LMX1B: variants seen among roughly 807,000 people sequenced by gnomAD.
LMX1B encodes LIM homeobox transcription factor 1-beta.
Under a neutral mutation model 51.4 loss-of-function variants are expected in LMX1B, and 12 were observed. That is an observed-to-expected ratio of 0.23 (90% CI 0.15 to 0.38). The LOEUF is 0.38. Ranked by LOEUF, LMX1B falls within the 10% of genes least tolerant of loss-of-function variation. The pLI is 1.00. For missense variants in LMX1B, 445 were observed against 571.1 expected (o/e 0.78, Z 2.25); for synonymous variants, 237 against 235.4 (o/e 1.01, Z -0.06).
intron 2 of LMX1B, among the ~76,000 whole-genome samples, chr9:126,672,782 A>G (rs1836482760): frequency 6.6e-6 from 1 of 152,126 alleles, no homozygotes; most frequent in Admixed American, 6.5e-5. Context: ...ACAGCCCAGG[A>G]CAGAATCCTG....
At chr9:126,623,637 C>G (rs1466080516) in intron 2 of LMX1B, among the ~76,000 whole-genome samples, 1 of 152,188 alleles carries the variant, frequency 6.6e-6, no homozygotes, top group Non-Finnish European at 1.5e-5. Flanking sequence ...CCTCCTATAC[C>G]GACCTTCCGG....
At chr9:126,655,892 A>G (rs929171756) in intron 2 of LMX1B, among the ~76,000 whole-genome samples, 1 of 152,218 alleles carries the variant, frequency 6.6e-6, no homozygotes, top group Admixed American at 6.5e-5. Context: ...TTCGTTTATG[A>G]TGCACACCTG....
chr9:126,693,248 C>A lies in LMX1B; in HGVS notation c.666C>A (p.Pro222=), dbSNP rs143407067. Residue 222 remains proline (P), a synonymous_variant, in exon 4 of 8, where the codon CCC becomes CCA. Transcript: ENST00000373474. ...AGGACCCGCGGAGGCCCAAGCGACCCCGGACCATCCTCACCACGCAGCAGC... is the reference window on the plus strand; with the variant it reads ...AGGACCCGCGGAGGCCCAAGCGACCACGGACCATCCTCACCACGCAGCAGC... The part of the protein sequence containing the change: ...DGKDPRRPKR[P]RTILTTQQRR... 1.2e-6 allele frequency: 2 copies of A among 1,611,634 alleles called. No homozygotes were observed. The highest frequency in any genetic ancestry group is 8.5e-7 in the Non-Finnish European group (1 of 1,179,240).
rs962114147 is a variant in LMX1B, at chr9:126,615,876, G to A, written c.326+307G>A. ...GGATATAGGGTCTGGCGCTACGGAG[G>A]CCTGAATTGGGAACCCAAAATTGAT... On this transcript the variant is annotated intron_variant, in intron 2 of 7. Coordinates refer to ENST00000373474, the MANE Select transcript of LMX1B (RefSeq NM_001174147.2). The surrounding 1 kb of genome is among the most constrained non-coding windows in gnomAD (Gnocchi z 6.0). 6.6e-6 allele frequency among the ~76,000 whole-genome samples: 1 copy of A among 152,322 alleles called. No homozygotes were observed. The highest frequency in any genetic ancestry group is 1.9e-4 in the East Asian group (1 of 5,170).
At chr9:126,696,081 A>C in intron 7 of LMX1B, 78 bp downstream of exon 7, 1 of 1,284,912 alleles carries the variant, frequency 7.8e-7, no homozygotes, top group Non-Finnish European at 1.0e-6. Flanking sequence ...TGGGGCCAGG[A>C]CAGCCACCTG....
intron 2 of LMX1B, among the ~76,000 whole-genome samples, chr9:126,627,905 ACT>A (rs1315315907): frequency 2.6e-5 from 4 of 151,834 alleles, no homozygotes; most frequent in African/African-American, 9.7e-5. Flanking sequence ...CCTCTCCCAG[ACT>A]CTGGCTTTAA....
intron 3 of LMX1B, 70 bp from the exon 4 acceptor site, chr9:126,693,072 C>T (rs936909496): frequency 1.1e-5 from 16 of 1,488,142 alleles, no homozygotes; most frequent in African/African-American, 4.2e-5. Context: ...AGCAGGTTGC[C>T]GAAGGGGACA....
chr9:126,665,319 C>T (rs1012412718), intron 2 of LMX1B, among the ~76,000 whole-genome samples: 6 of 152,144 alleles, frequency 3.9e-5, no homozygotes, highest in Admixed American at 1.3e-4. Flanking sequence ...GCTGGGGCGG[C>T]GGGGGCGGGG....
chr9:126,659,272 C>A (rs1836180991), intron 2 of LMX1B, among the ~76,000 whole-genome samples: 1 of 152,214 alleles, frequency 6.6e-6, no homozygotes. Context: ...TGAGGAGGGT[C>A]CCAGGCCTGG....
rs572751023 is a variant in LMX1B, at chr9:126,690,830, C to T, written c.327-6C>T. The T allele has an allele frequency of 1.7e-5, 27 of 1,603,874 alleles. No homozygotes were observed. The South Asian group carries it at 2.8e-4, about 17-fold the overall frequency. The stretch of plus-strand genomic sequence containing the variant: ...CCGCCAACACGCCCGCTTTGTGCAT[C>T]CGCAGGCTCTTCGCGGCCAAGTGCA... On this transcript the variant is annotated splice_region_variant and splice_polypyrimidine_tract_variant and intron_variant, in intron 2 of 7. Coordinates refer to ENST00000373474, the MANE Select transcript of LMX1B (RefSeq NM_001174147.2).
chr9:126,653,758 C>T (rs1836063439), intron 2 of LMX1B, among the ~76,000 whole-genome samples: 1 of 151,986 alleles, frequency 6.6e-6, no homozygotes, highest in Non-Finnish European at 1.5e-5. Flanking sequence ...CACCCTTCAT[C>T]CCCAGCCCCC....
At position 126,671,687 on chromosome 9, in the gene LMX1B, G is replaced by A. The variant is rs1053770071; in HGVS notation, c.327-19149G>A. On this transcript the variant is annotated intron_variant, in intron 2 of 7. Coordinates refer to ENST00000373474, the MANE Select transcript of LMX1B (RefSeq NM_001174147.2). This position sits in a 1 kb window ranked among gnomAD's most constrained non-coding sequence, Gnocchi z 4.4. ...GAGGTCAGCGGGCCTGCCCTGTGCCGAGCGGTGGAATTTTTCAATAACCAG... is the reference window on the plus strand; with the variant it reads ...GAGGTCAGCGGGCCTGCCCTGTGCCAAGCGGTGGAATTTTTCAATAACCAG... Among the ~76,000 whole-genome samples, 2 of 152,066 alleles carry A rather than the reference G, an allele frequency of 1.3e-5. No homozygotes were observed. Among genetic ancestry groups the A allele is most frequent in the East Asian group, 1.9e-4 (1 of 5,158 alleles).
chr9:126,649,211 T>A (rs1164680680), intron 2 of LMX1B, among the ~76,000 whole-genome samples: 3 of 151,474 alleles, frequency 2.0e-5, no homozygotes. Context: ...TCTGAACAAC[T>A]GCATCAACCT....
At chr9:126,681,000 G>T (rs565599719) in intron 2 of LMX1B, among the ~76,000 whole-genome samples, 1 of 152,194 alleles carries the variant, frequency 6.6e-6, no homozygotes, top group South Asian at 2.1e-4. Flanking sequence ...TCTCGACAAT[G>T]GCAGGAGGGC....
intron 2 of LMX1B, among the ~76,000 whole-genome samples, chr9:126,651,224 C>A (rs1835999312): frequency 6.6e-6 from 1 of 152,074 alleles, no homozygotes; most frequent in African/African-American, 2.4e-5. Flanking sequence ...GCAGAGGCTG[C>A]TCCTGGGCAT....
In LMX1B at chr9:126,677,413, C is replaced by T. The variant is rs1836583880; in HGVS notation, c.327-13423C>T. 6.6e-6 allele frequency among the ~76,000 whole-genome samples: 1 copy of T among 152,214 alleles called. No homozygotes were observed. Among genetic ancestry groups the T allele is most frequent in the Admixed American group, 6.5e-5 (1 of 15,290 alleles). On this transcript the variant is annotated intron_variant, in intron 2 of 7. Coordinates refer to ENST00000373474, the MANE Select transcript of LMX1B (RefSeq NM_001174147.2). This position sits in a 1 kb window ranked among gnomAD's most constrained non-coding sequence, Gnocchi z 5.0. Reference sequence around the variant, plus strand: ...GGGGACTCATCTTGCCCACCCACTACTGCTATGTCTCCACAAAAAGCCCGG... The same window carrying T: ...GGGGACTCATCTTGCCCACCCACTATTGCTATGTCTCCACAAAAAGCCCGG...
chr9:126,629,476 C>T (rs1440434264), intron 2 of LMX1B, among the ~76,000 whole-genome samples: 2 of 152,156 alleles, frequency 1.3e-5, no homozygotes, highest in African/African-American at 4.8e-5. Context: ...GTAACTTGCC[C>T]AAGGTCACAC....
Position 126,695,840 on chromosome 9 carries a change from G to T in LMX1B, c.888G>T (p.Glu296Asp). 2 of 1,612,844 alleles carry T rather than the reference G, an allele frequency of 1.2e-6. No homozygotes were observed. Among genetic ancestry groups the T allele is most frequent in the Non-Finnish European group, 1.7e-6 (2 of 1,179,610 alleles). ...EQQNSQRLGQEVLSSRMEGMM... is the reference protein window; with the variant it reads ...EQQNSQRLGQDVLSSRMEGMM... ...GGTGAAGGCTCACTGTGCCCCCAGA[G>T]GTCCTGTCCAGCCGCATGGAGGGCA... Residue 296 changes from glutamate to aspartate, a missense_variant and splice_region_variant, in exon 7 of 8, where the codon GAG becomes GAT. Around this residue, in one of 3 missense-constraint regions of LMX1B, gnomAD observed 162 missense variants for 187.8 expected, o/e 0.86. Transcript: ENST00000373474. This position sits in a 1 kb window ranked among gnomAD's most constrained non-coding sequence, Gnocchi z 5.2.
At chr9:126,665,671 G>C (rs1159543287) in intron 2 of LMX1B, among the ~76,000 whole-genome samples, 2 of 152,214 alleles carry the variant, frequency 1.3e-5, no homozygotes, top group East Asian at 3.9e-4. Flanking sequence ...GGAAGGAGGG[G>C]TTCACAGGAC....
Sources: allele counts gnomAD v4.1 joint callset (sites outside exome capture counted in the v4.1 genomes callset), GRCh38; gene constraint gnomAD v4.1.1; regional missense constraint gnomAD v4.1.1; non-coding constraint Gnocchi (gnomAD v3.1); transcripts MANE v1.5; gene names NCBI Gene and HGNC (gene_info 2026-07-23, HGNC 2026-07-21).